The following PTPRD variants were observed in gnomAD, a reference collection of about 807,000 sequenced individuals.
PTPRD encodes protein tyrosine phosphatase receptor type D.
A neutral mutation model predicts 214.5 loss-of-function variants in PTPRD; 34 were observed. The observed-to-expected ratio is 0.16, with a 90% CI of 0.12 to 0.21. The LOEUF (loss-of-function observed/expected upper bound fraction) is 0.21. Among genes scored for constraint, PTPRD ranks in the 10% least tolerant of loss-of-function variants. The probability of loss-of-function intolerance (pLI) is 1.00; values close to 1 mark genes in which losing one functional copy is unlikely to be tolerated. For missense variants in PTPRD, 2,545 were observed against 2,398.7 expected (o/e 1.06, Z -1.27); for synonymous variants, 1,128 against 845.7 (o/e 1.33, Z -5.79).
chr9:8,823,050 T>C (rs2097103273), intron 11 of PTPRD, among the ~76,000 whole-genome samples: 1 of 152,132 alleles, frequency 6.6e-6, no homozygotes. Context: ...TAGTAAGACA[T>C]TTAATACTCA....
chr9:10,511,893 C>A (rs1390227252), intron 2 of PTPRD, among the ~76,000 whole-genome samples: 2 of 130,698 alleles, frequency 1.5e-5, no homozygotes, highest in Admixed American at 7.6e-5. Flanking sequence ...TACACACACA[C>A]ATATATATAC....
intron 11 of PTPRD, among the ~76,000 whole-genome samples, chr9:8,904,116 A>G (rs1358212562): frequency 6.6e-6 from 1 of 152,244 alleles, no homozygotes; most frequent in Non-Finnish European, 1.5e-5. Context: ...ATAATTTGCA[A>G]CAAATGGTTT....
intron 8 of PTPRD, among the ~76,000 whole-genome samples, chr9:9,480,298 T>A (rs943826862): frequency 6.6e-6 from 1 of 152,192 alleles, no homozygotes; most frequent in Non-Finnish European, 1.5e-5. Flanking sequence ...CTAAGTTAAG[T>A]TCGGCTTGAG....
At chr9:8,678,876 A>C (rs1192435196) in intron 12 of PTPRD, among the ~76,000 whole-genome samples, 2 of 152,254 alleles carry the variant, frequency 1.3e-5, no homozygotes, top group African/African-American at 4.8e-5. Context: ...CAGTAGTAGA[A>C]AGGGTGATTT....
chr9:10,355,964 G>C (rs765876732), intron 2 of PTPRD, among the ~76,000 whole-genome samples: 1 of 152,144 alleles, frequency 6.6e-6, no homozygotes, highest in African/African-American at 2.4e-5. Context: ...AGAGTACACT[G>C]AGATGTACAC....
rs1215534366 is a variant in PTPRD at position 8,341,825 on chromosome 9, G to C, written c.4815C>G (p.Ile1605Met). ...TCACTGCTTCTAACAGTGCATCATG[G>C]ATAAAGATGTATTGGTCTTCTGTTT... ...MVQTEDQYIF[I>M]HDALLEAVTC... Residue 1605 changes from isoleucine (I) to methionine (M), a missense_variant, in exon 40 of 46, where the codon ATC becomes ATG. Coordinates refer to ENST00000381196, the MANE Select transcript of PTPRD (RefSeq NM_002839.4). 5.6e-6 allele frequency: 9 copies of C among 1,613,350 alleles called. No individual in the cohort carries two copies. Among genetic ancestry groups the C allele is most frequent in the Admixed American group, 5.0e-5 (3 of 59,910 alleles).
chr9:10,304,837 G>A (rs2096003434), intron 3 of PTPRD, among the ~76,000 whole-genome samples: 1 of 152,120 alleles, frequency 6.6e-6, no homozygotes, highest in South Asian at 2.1e-4. Flanking sequence ...ACTGCCCAAA[G>A]TAATTTATAG....
intron 11 of PTPRD, among the ~76,000 whole-genome samples, chr9:8,934,442 TATATAAATTTATATATATATAA>T (rs1319326624): frequency 9.2e-5 from 4 of 43,572 alleles, no homozygotes; most frequent in Non-Finnish European, 1.7e-4. Flanking sequence ...TATAAATATA[TATATAAATTTATATATATATAA>T]ATATATATAT....
In PTPRD at chr9:8,375,944, C is replaced by T. The variant is rs2134796665; in HGVS notation, c.4653G>A (p.Val1551=). 1 of 1,612,112 alleles carries T rather than the reference C, an allele frequency of 6.2e-7. No homozygotes were observed. Among genetic ancestry groups the T allele is most frequent in the Non-Finnish European group, 8.5e-7 (1 of 1,178,790 alleles). Residue 1551 remains valine, a synonymous_variant, in exon 39 of 46, where the codon GTG becomes GTA. Transcript: ENST00000381196. ...CNPPDAGPMV[V]HCSAGVGRTG... ...GAACAAACGCTTCTTACCTGCAGTG[C>T]ACAACCATCGGACCAGCATCGGGAG...
chr9:8,978,493 G>C (rs77194430), intron 11 of PTPRD, among the ~76,000 whole-genome samples: 3,099 of 152,154 alleles, frequency 0.02, 111 homozygotes, highest in African/African-American at 0.069. Context: ...GCATTATTAG[G>C]GTGCCTCTAT....
chr9:9,449,082 A>G (rs1374944182), intron 8 of PTPRD, among the ~76,000 whole-genome samples: 3 of 152,092 alleles, frequency 2.0e-5, no homozygotes, highest in African/African-American at 4.8e-5. Context: ...GTTGTCTGAA[A>G]TTATCTTTAC....
At chr9:9,818,924 A>G (rs1395978661) in intron 5 of PTPRD, among the ~76,000 whole-genome samples, 2 of 151,908 alleles carry the variant, frequency 1.3e-5, no homozygotes, top group East Asian at 3.9e-4. Flanking sequence ...TCAAAAAAAA[A>G]AAAAAAAAAA....
At chr9:9,926,405 G>C (rs2084322070) in intron 5 of PTPRD, among the ~76,000 whole-genome samples, 1 of 152,026 alleles carries the variant, frequency 6.6e-6, no homozygotes, top group African/African-American at 2.4e-5. Flanking sequence ...AGGGGATAAA[G>C]CCAGGGAATA....
chr9:10,598,520 T>C (rs576866516), intron 2 of PTPRD, among the ~76,000 whole-genome samples: 2 of 151,926 alleles, frequency 1.3e-5, no homozygotes, highest in South Asian at 4.1e-4. Flanking sequence ...GTCACATTCC[T>C]TATTGCACAG....
intron 7 of PTPRD, among the ~76,000 whole-genome samples, chr9:9,661,243 G>T (rs192932835): frequency 6.6e-6 from 1 of 151,630 alleles, no homozygotes; most frequent in African/African-American, 2.4e-5. Flanking sequence ...ATTAAGACTC[G>T]ATTTTCAATA....
chr9:8,638,883 G>A (rs752272526), intron 12 of PTPRD, among the ~76,000 whole-genome samples: 13 of 151,058 alleles, frequency 8.6e-5, no homozygotes, highest in African/African-American at 2.0e-4. Flanking sequence ...TCACTCTGTC[G>A]CCAGGGTGGA....
intron 4 of PTPRD, among the ~76,000 whole-genome samples, chr9:9,986,620 T>C (rs1323642906): frequency 6.6e-6 from 1 of 152,118 alleles, no homozygotes; most frequent in South Asian, 2.1e-4. Context: ...TTACCTAAAT[T>C]TTTAGGTTGA....
At chr9:9,172,244 A>G (rs1592872309) in intron 10 of PTPRD, among the ~76,000 whole-genome samples, 1 of 152,160 alleles carries the variant, frequency 6.6e-6, no homozygotes, top group African/African-American at 2.4e-5. Flanking sequence ...ATATTTGTCA[A>G]AAAAGGGAAT....
At chr9:9,298,423 A>G (rs896406063) in intron 9 of PTPRD, among the ~76,000 whole-genome samples, 1 of 151,734 alleles carries the variant, frequency 6.6e-6, no homozygotes, top group Non-Finnish European at 1.5e-5. Flanking sequence ...TTCTCCTGTG[A>G]ATTTTAACTT....
Sources: gnomAD v4.1 joint callset for allele counts (sites outside exome capture counted in the v4.1 genomes callset) on GRCh38, gnomAD v4.1.1 for gene constraint, MANE v1.5 for transcripts, NCBI Gene and HGNC (gene_info 2026-07-23, HGNC 2026-07-21) for gene names.